The following GLYATL2 variants were observed in gnomAD, a reference collection of about 807,000 sequenced individuals.
The protein encoded by GLYATL2 is glycine-N-acyltransferase like 2.
In GLYATL2, 25 loss-of-function variants were observed where a neutral mutation model predicts 21.4. That is an observed-to-expected ratio of 1.17 (90% CI 0.85 to 1.63). The LOEUF is 1.63. Ranked by LOEUF, GLYATL2 falls within the 40% of genes most tolerant of loss-of-function variation. The pLI is 0.00. For missense variants in GLYATL2, 361 were observed against 343.3 expected, an observed-to-expected ratio of 1.05 and a Z score of -0.41; for synonymous variants, 114 against 118.2, an observed-to-expected ratio of 0.96 and a Z score of 0.23.
upstream of GLYATL2, among the ~76,000 whole-genome samples, chr11:58,906,972 T>C (rs923153666): frequency 3.3e-5 from 5 of 152,178 alleles, no homozygotes; most frequent in Admixed American, 1.3e-4. Flanking sequence ...AATCCTTTTT[T>C]AAAAAGCTCA....
At chr11:58,840,247 G>C (rs1255684152) in intron 1 of GLYATL2, among the ~76,000 whole-genome samples, 1 of 152,048 alleles carries the variant, frequency 6.6e-6, no homozygotes, top group Non-Finnish European at 1.5e-5. Flanking sequence ...TTATATGTTA[G>C]CAACCTTAAA....
At chr11:58,887,652 C>T (rs188592965) in intron 1 of GLYATL2, among the ~76,000 whole-genome samples, 2 of 152,232 alleles carry the variant, frequency 1.3e-5, no homozygotes, top group East Asian at 3.9e-4. Flanking sequence ...GACATCCCTT[C>T]GGGTGAATCA....
intron 1 of GLYATL2, among the ~76,000 whole-genome samples, chr11:58,864,239 C>A (rs945929324): frequency 1.3e-5 from 2 of 152,140 alleles, no homozygotes; most frequent in Admixed American, 6.5e-5. Flanking sequence ...TGTTCTGGGG[C>A]TGGTCTGAAA....
chr11:58,879,998 G>A (rs1236151368), intron 1 of GLYATL2, among the ~76,000 whole-genome samples: 3 of 151,928 alleles, frequency 2.0e-5, no homozygotes, highest in Non-Finnish European at 4.4e-5. Context: ...AGCCGGGAGT[G>A]CAGGTGCCCG....
At chr11:58,843,315 T>G (rs1323577444) in intron 1 of GLYATL2, among the ~76,000 whole-genome samples, 1 of 152,082 alleles carries the variant, frequency 6.6e-6, no homozygotes, top group Non-Finnish European at 1.5e-5. Flanking sequence ...GAAGTAGGAT[T>G]TTATGGGAAA....
At chr11:58,901,504 C>T (rs992130653) in intron 1 of GLYATL2, among the ~76,000 whole-genome samples, 1 of 152,088 alleles carries the variant, frequency 6.6e-6, no homozygotes, top group Non-Finnish European at 1.5e-5. Context: ...CCAAGTGATA[C>T]GGTTGAACTT....
chr11:58,876,290 C>A lies in GLYATL2; in HGVS notation n.60+27866G>T, dbSNP rs912477729. Among the ~76,000 whole-genome samples, 3 of 152,368 alleles carry A rather than the reference C, an allele frequency of 2.0e-5. No homozygotes were observed. In the South Asian group the frequency reaches 6.2e-4, roughly 32 times the overall value. On this transcript the variant is annotated intron_variant and non_coding_transcript_variant, in intron 1 of 4. Coordinates refer to the GLYATL2 transcript ENST00000533636. The stretch of plus-strand genomic sequence containing the variant: ...CTTCTGAAGCCTTCCTCTCTCAACT[C>A]ATCAAAGTCATTCTCCGTCCAGCTT...
rs767899258 is a variant in GLYATL2, at chr11:58,837,268, T to C, written c.313+3A>G. ...TCTTTTTCTTTTAACTCAGACTAGT[T>C]ACCTTGGATCTGCAAAGTTTGCTCC... On this transcript the variant is annotated splice_donor_region_variant and intron_variant, in intron 4 of 5. Coordinates refer to ENST00000287275, the MANE Select transcript of GLYATL2 (RefSeq NM_145016.4). 3.1e-6 allele frequency: 5 copies of C among 1,613,650 alleles called. No homozygotes were observed. Among genetic ancestry groups the C allele is most frequent in the Admixed American group, 1.7e-5 (1 of 59,982 alleles).
At chr11:58,895,648 A>G (rs1854621900) in intron 1 of GLYATL2, among the ~76,000 whole-genome samples, 2 of 152,220 alleles carry the variant, frequency 1.3e-5, no homozygotes, top group Non-Finnish European at 2.9e-5. Context: ...TCATTTAGGC[A>G]GTTAATGTGG....
chr11:58,838,315 C>A lies in GLYATL2; in HGVS notation c.132G>T (p.Val44=). Residue 44 remains valine (V), a synonymous_variant, in exon 3 of 6, where the codon GTG becomes GTT. Coordinates refer to ENST00000287275, the MANE Select transcript of GLYATL2 (RefSeq NM_145016.4). The part of the protein sequence containing the change: ...IKDKNPFNME[V]LVDAWPDYQI... ...GGTAATCTGGCCAGGCATCTACCAG[C>A]ACCTCCATGTTGAAAGGGTTTTTAT... The A allele has an allele frequency of 3.1e-6, 5 of 1,613,518 alleles. No homozygotes were observed. Among genetic ancestry groups the A allele is most frequent in the Non-Finnish European group, 4.2e-6 (5 of 1,179,548 alleles).
intron 1 of GLYATL2, among the ~76,000 whole-genome samples, chr11:58,874,238 C>T (rs956940270): frequency 2.0e-5 from 3 of 152,172 alleles, no homozygotes; most frequent in Admixed American, 6.5e-5. Context: ...TTCAAAAAAC[C>T]AGCTCCTGGA....
At chr11:58,866,225 A>G (rs1053715624) in intron 1 of GLYATL2, among the ~76,000 whole-genome samples, 5 of 148,724 alleles carry the variant, frequency 3.4e-5, no homozygotes, top group Admixed American at 2.8e-4. Context: ...CAACAGAGTC[A>G]GATTGTTATT....
chr11:58,879,914 A>G (rs1364523873), intron 1 of GLYATL2, among the ~76,000 whole-genome samples: 1 of 145,008 alleles, frequency 6.9e-6, no homozygotes, highest in Non-Finnish European at 1.5e-5. Flanking sequence ...GCTGTAGTGC[A>G]GTGGCGCGAT....
At chr11:58,897,562 C>T (rs1465631947) in intron 1 of GLYATL2, among the ~76,000 whole-genome samples, 1 of 151,920 alleles carries the variant, frequency 6.6e-6, no homozygotes. Flanking sequence ...CACACGGACG[C>T]ACACACACAC....
chr11:58,835,647 T>C (rs1853416234), intron 5 of GLYATL2, among the ~76,000 whole-genome samples: 1 of 152,166 alleles, frequency 6.6e-6, no homozygotes, highest in Non-Finnish European at 1.5e-5. Flanking sequence ...CGCTAAGTTT[T>C]CTACGGGCGA....
At chr11:58,852,988 C>T (rs1395589526) in intron 1 of GLYATL2, among the ~76,000 whole-genome samples, 5 of 152,168 alleles carry the variant, frequency 3.3e-5, no homozygotes, top group Non-Finnish European at 5.9e-5. Flanking sequence ...TATATCATAG[C>T]AATATATTTG....
intron 1 of GLYATL2, among the ~76,000 whole-genome samples, chr11:58,865,782 C>T (rs665148): frequency 0.88 from 130,340 of 148,488 alleles, 59,149 homozygotes; most frequent in Non-Finnish European, 0.98. Flanking sequence ...CTTTAGAGAA[C>T]GCATTAGCAG....
intron 1 of GLYATL2, among the ~76,000 whole-genome samples, chr11:58,889,429 C>G (rs1854502031): frequency 6.6e-6 from 1 of 151,902 alleles, no homozygotes; most frequent in Non-Finnish European, 1.5e-5. Context: ...AAAACAATAT[C>G]AACTAACAAA....
In GLYATL2 at chr11:58,837,210, T is replaced by C. The variant is rs778086156; in HGVS notation, c.314-33A>G. The C allele has an allele frequency of 4.3e-6, 7 of 1,612,944 alleles. No individual in the cohort carries two copies. In the Admixed American group the frequency reaches 1.2e-4, roughly 27 times the overall value. ...AAGGAGAAAGACAAGTACCACTTTATGCCTTCCATATCGGCTAGGAATAAA... is the reference window on the plus strand; with the variant it reads ...AAGGAGAAAGACAAGTACCACTTTACGCCTTCCATATCGGCTAGGAATAAA... On this transcript the variant is annotated intron_variant, in intron 4 of 5. Coordinates refer to ENST00000287275, the MANE Select transcript of GLYATL2 (RefSeq NM_145016.4).
Sources: allele counts gnomAD v4.1 joint callset (sites outside exome capture counted in the v4.1 genomes callset), GRCh38; gene constraint gnomAD v4.1.1; transcripts MANE v1.5; gene names NCBI Gene and HGNC (gene_info 2026-07-23, HGNC 2026-07-21).